Variants in HPSE2 observed in about 807,000 individuals in gnomAD.
HPSE2 encodes the protein inactive heparanase-2.
Under a neutral mutation model 60.5 loss-of-function variants are expected in HPSE2, and 38 were observed. That is an observed-to-expected ratio of 0.63 (90% CI 0.48 to 0.82). The LOEUF is 0.82. Ranked by LOEUF, HPSE2 falls within the 40% of genes least tolerant of loss-of-function variation. The probability of loss-of-function intolerance (pLI) is 0.00; values close to 1 mark genes in which losing one functional copy is unlikely to be tolerated. For missense variants in HPSE2, 713 were observed against 740.4 expected, an observed-to-expected ratio of 0.96 and a Z score of 0.43; for synonymous variants, 295 against 293.2, an observed-to-expected ratio of 1.01 and a Z score of -0.06.
rs572575257 is a variant in HPSE2, at chr10:98,550,387, G to C, written c.1321-60191C>G. 1.6e-3 allele frequency among the ~76,000 whole-genome samples: 248 copies of C among 151,924 alleles called. 1 individual carries two copies. The highest frequency in any genetic ancestry group is 5.6e-3 in the African/African-American group (234 of 41,416). ...TGCCTCACTGCAACCTCAAACTCCT[G>C]AGTTCAACCAGTCCTCCTGCTTCAG... On this transcript the variant is annotated intron_variant, in intron 9 of 11. Coordinates refer to ENST00000370552, the MANE Select transcript of HPSE2 (RefSeq NM_021828.5).
At chr10:99,279,777 G>A in the HPSE2 span, among the ~76,000 whole-genome samples, 1 of 152,338 alleles carries the variant, frequency 6.6e-6, no homozygotes, top group Admixed American at 6.5e-5. Flanking sequence ...CACCCCCTCA[G>A]AGATTGGCAA....
chr10:98,699,994 G>A (rs984178378), intron 5 of HPSE2, among the ~76,000 whole-genome samples: 10 of 151,158 alleles, frequency 6.6e-5, no homozygotes, highest in Non-Finnish European at 1.2e-4. Context: ...AATAAAAGAG[G>A]ATGCAAACGA....
At chr10:98,504,576 G>C (rs1205338441) in intron 9 of HPSE2, among the ~76,000 whole-genome samples, 1 of 152,084 alleles carries the variant, frequency 6.6e-6, no homozygotes, top group Non-Finnish European at 1.5e-5. Flanking sequence ...CACGAGGTCA[G>C]GAGATCAAGA....
chr10:98,692,898 C>A (rs1375888431), intron 6 of HPSE2, among the ~76,000 whole-genome samples: 1 of 152,146 alleles, frequency 6.6e-6, no homozygotes, highest in African/African-American at 2.4e-5. Context: ...TTATTGATTG[C>A]CAGCAAACAA....
rs569763425 is a variant in HPSE2, at chr10:98,933,832, C to T, written c.611-189776G>A. Among the ~76,000 whole-genome samples the T allele has an allele frequency of 6.4e-5, 9 of 140,850 alleles. 2 individuals are homozygous for T. The highest frequency in any genetic ancestry group is 2.4e-4 in the African/African-American group (8 of 33,736). The allele number at this position is 140,850 out of a possible 152,430, so 92.4% of individuals were successfully genotyped here. A position where few individuals can be genotyped will look rare whatever the true frequency, so the allele number is the denominator to read the frequency against. On this transcript the variant is annotated intron_variant, in intron 3 of 11. Coordinates refer to ENST00000370552, the MANE Select transcript of HPSE2 (RefSeq NM_021828.5). ...CTGCAAGCTCCGCCTCCTGGGTTCA[C>T]GCCATTCTCCTGCCTCAGCCTCCCG...
chr10:98,975,301 T>C (rs1189625293), intron 3 of HPSE2, among the ~76,000 whole-genome samples: 2 of 152,088 alleles, frequency 1.3e-5, no homozygotes, highest in African/African-American at 2.4e-5. Context: ...GATCAAAGAA[T>C]AGAAACAACA....
At chr10:98,914,370 C>T (rs1413729969) in intron 3 of HPSE2, among the ~76,000 whole-genome samples, 3 of 151,808 alleles carry the variant, frequency 2.0e-5, no homozygotes, top group African/African-American at 4.8e-5. Context: ...TAGTCAGCCT[C>T]GGGTATGTCT....
intron 3 of HPSE2, among the ~76,000 whole-genome samples, chr10:99,104,428 A>T (rs1844152361): frequency 6.6e-6 from 1 of 152,218 alleles, no homozygotes; most frequent in Admixed American, 6.5e-5. Flanking sequence ...GCTGGAGAGG[A>T]TGTGGAGAAA....
chr10:98,675,027 A>G (rs760098338), intron 6 of HPSE2, among the ~76,000 whole-genome samples: 8 of 152,240 alleles, frequency 5.3e-5, no homozygotes, highest in Non-Finnish European at 1.2e-4. Context: ...ATAATTAATA[A>G]TTATAAAAAA....
intron 7 of HPSE2, among the ~76,000 whole-genome samples, chr10:98,629,512 T>C (rs1274763647): frequency 1.3e-5 from 2 of 152,190 alleles, no homozygotes; most frequent in Non-Finnish European, 2.9e-5. Context: ...TTTTGTGTTT[T>C]TTGACTCTCC....
At chr10:99,215,194 C>T (rs1849078278) in intron 2 of HPSE2, among the ~76,000 whole-genome samples, 1 of 152,124 alleles carries the variant, frequency 6.6e-6, no homozygotes, top group Admixed American at 6.5e-5. Context: ...GACATGGAAC[C>T]AACCCAAATG....
chr10:98,508,218 G>C (rs1037469017), intron 9 of HPSE2, among the ~76,000 whole-genome samples: 3 of 152,182 alleles, frequency 2.0e-5, no homozygotes, highest in African/African-American at 4.8e-5. Context: ...AAAACTAATA[G>C]CAGATGACAC....
chr10:99,097,770 G>C (rs145081145), intron 3 of HPSE2, among the ~76,000 whole-genome samples: 1 of 152,228 alleles, frequency 6.6e-6, no homozygotes, highest in African/African-American at 2.4e-5. Context: ...CTACGAACTA[G>C]ATAGAAATTA....
intron 9 of HPSE2, among the ~76,000 whole-genome samples, chr10:98,533,943 T>C (rs898892): frequency 6.6e-6 from 1 of 151,964 alleles, no homozygotes; most frequent in Non-Finnish European, 1.5e-5. Context: ...CAGAGAGCAA[T>C]TAACCAGACT....
chr10:98,791,689 CTTA>C (rs1378810454), intron 3 of HPSE2, among the ~76,000 whole-genome samples: 1 of 152,140 alleles, frequency 6.6e-6, no homozygotes, highest in Non-Finnish European at 1.5e-5. Context: ...TATTATAGCA[CTTA>C]TTTCTTTTCA....
chr10:98,593,155 A>G (rs748760428), intron 9 of HPSE2, among the ~76,000 whole-genome samples: 1 of 152,228 alleles, frequency 6.6e-6, no homozygotes, highest in Admixed American at 6.5e-5. Context: ...AAATTGATCC[A>G]TCTATTTAAA....
intron 3 of HPSE2, among the ~76,000 whole-genome samples, chr10:99,080,596 T>A (rs930197647): frequency 2.0e-5 from 3 of 152,226 alleles, no homozygotes; most frequent in African/African-American, 7.2e-5. Context: ...ATGCCAAGTC[T>A]ACATGTTTCT....
chr10:98,780,286 G>GATCTCTAATTCTTATAGAAA (rs1221804148), intron 3 of HPSE2, among the ~76,000 whole-genome samples: 1 of 152,072 alleles, frequency 6.6e-6, no homozygotes, highest in Non-Finnish European at 1.5e-5. Flanking sequence ...AAAGACAGAA[G>GATCTCTAATTCTTATAGAAA]ATCTCTAATT....
chr10:98,748,517 G>C (rs910225944), intron 3 of HPSE2, among the ~76,000 whole-genome samples: 1 of 152,100 alleles, frequency 6.6e-6, no homozygotes, highest in African/African-American at 2.4e-5. Flanking sequence ...CTTATAGTCA[G>C]GGTGCATTGA....
Sources: gnomAD v4.1 joint callset for allele counts (sites outside exome capture counted in the v4.1 genomes callset) on GRCh38, gnomAD v4.1.1 for gene constraint, MANE v1.5 for transcripts, NCBI Gene and HGNC (gene_info 2026-07-23, HGNC 2026-07-21) for gene names.